ATOSA: variants seen among roughly 807,000 people sequenced by gnomAD.
ATOSA encodes atos homolog protein A.
chr15:52,587,003 C>T, the ATOSA span: 393 of 1,486,438 alleles, frequency 2.6e-4, no homozygotes, highest in Non-Finnish European at 3.3e-4. Flanking sequence ...ATGGTCATTC[C>T]TGGGGCAGAG....
the ATOSA span, among the ~76,000 whole-genome samples, chr15:52,639,423 A>G: frequency 1.3e-5 from 2 of 152,224 alleles, no homozygotes; most frequent in East Asian, 3.8e-4. Context: ...CTGAATATTT[A>G]TATCAGGTTT....
the ATOSA span, among the ~76,000 whole-genome samples, chr15:52,697,533 ACTT>A: frequency 6.6e-6 from 1 of 152,188 alleles, no homozygotes; most frequent in Non-Finnish European, 1.5e-5. Flanking sequence ...AACATGACTC[ACTT>A]CTTTAATGCG....
the ATOSA span, among the ~76,000 whole-genome samples, chr15:52,672,747 C>T: frequency 6.6e-6 from 1 of 152,348 alleles, no homozygotes; most frequent in African/African-American, 2.4e-5. Context: ...CTTATATACA[C>T]ATTTGCCTTT....
the ATOSA span, among the ~76,000 whole-genome samples, chr15:52,588,678 C>T: frequency 6.6e-6 from 1 of 152,194 alleles, no homozygotes; most frequent in Non-Finnish European, 1.5e-5. Context: ...CTTCGACCTC[C>T]TGACCTCAGG....
the ATOSA span, among the ~76,000 whole-genome samples, chr15:52,632,706 C>T: frequency 6.6e-6 from 1 of 152,234 alleles, no homozygotes; most frequent in South Asian, 2.1e-4. Context: ...ACATACTTCT[C>T]CATATGGTCA....
At chr15:52,661,230 T>G in the ATOSA span, among the ~76,000 whole-genome samples, 2 of 152,248 alleles carry the variant, frequency 1.3e-5, no homozygotes, top group Admixed American at 1.3e-4. Context: ...ACCATTCGAC[T>G]TACTTCTAAG....
the ATOSA span, among the ~76,000 whole-genome samples, chr15:52,620,548 T>TA: frequency 6.6e-6 from 1 of 152,212 alleles, no homozygotes; most frequent in Non-Finnish European, 1.5e-5. Context: ...TGTTTATTTC[T>TA]AAAGCCTGCC....
At chr15:52,703,310 T>C in the ATOSA span, among the ~76,000 whole-genome samples, 1 of 152,196 alleles carries the variant, frequency 6.6e-6, no homozygotes, top group Non-Finnish European at 1.5e-5. Flanking sequence ...AAATGTTTTA[T>C]ACTGATTAAA....
chr15:52,693,154 T>C, the ATOSA span, among the ~76,000 whole-genome samples: 1 of 152,164 alleles, frequency 6.6e-6, no homozygotes, highest in East Asian at 1.9e-4. Context: ...GTGCGGTGGC[T>C]CATGCCTGTA....
the ATOSA span, among the ~76,000 whole-genome samples, chr15:52,684,565 C>G: frequency 2.6e-5 from 4 of 152,104 alleles, no homozygotes; most frequent in Admixed American, 2.6e-4. Context: ...TTTTTGATAA[C>G]TGAACTCATT....
chr15:52,636,127 A>T, the ATOSA span, among the ~76,000 whole-genome samples: 465 of 146,374 alleles, frequency 3.2e-3, 1 homozygote, highest in African/African-American at 0.011. Flanking sequence ...AATTTAATAA[A>T]TATATATTAA....
chr15:52,595,190 A>G, the ATOSA span, among the ~76,000 whole-genome samples: 1 of 152,212 alleles, frequency 6.6e-6, no homozygotes, highest in East Asian at 1.9e-4. Flanking sequence ...TAGATACACA[A>G]GTACTAGGCA....
the ATOSA span, chr15:52,678,330 A>G: frequency 3.8e-6 from 2 of 532,012 alleles, no homozygotes; most frequent in Admixed American, 3.1e-5. Context: ...CTCCAGGCCA[A>G]TGTGTCCTTC....
the ATOSA span, among the ~76,000 whole-genome samples, chr15:52,628,602 T>C: frequency 3.3e-5 from 5 of 152,232 alleles, no homozygotes; most frequent in South Asian, 4.1e-4. Flanking sequence ...CAATGTGATA[T>C]AGTTTTTTAA....
At chr15:52,611,275 T>A in the ATOSA span, 6 of 1,608,328 alleles carry the variant, frequency 3.7e-6, no homozygotes, top group Non-Finnish European at 5.1e-6. Flanking sequence ...TAACAAAGCA[T>A]AATTTAAATG....
At chr15:52,610,245 T>C in the ATOSA span, 11 of 1,613,872 alleles carry the variant, frequency 6.8e-6, no homozygotes, top group Non-Finnish European at 5.9e-6. Context: ...ACGTCAAAAC[T>C]GGATAATTAG....
At chr15:52,686,037 G>A in the ATOSA span, among the ~76,000 whole-genome samples, 1 of 152,132 alleles carries the variant, frequency 6.6e-6, no homozygotes, top group Non-Finnish European at 1.5e-5. Flanking sequence ...AGGTTCAGTA[G>A]AGTTTTCATA....
chr15:52,634,877 C>T, the ATOSA span, among the ~76,000 whole-genome samples: 5 of 152,074 alleles, frequency 3.3e-5, no homozygotes, highest in Non-Finnish European at 7.4e-5. Flanking sequence ...GCTGGGATTA[C>T]AGGTGTGAGC....
the ATOSA span, among the ~76,000 whole-genome samples, chr15:52,632,779 T>A: frequency 0.018 from 2,680 of 152,294 alleles, 84 homozygotes; most frequent in African/African-American, 0.062. Flanking sequence ...AATTATTGAT[T>A]TCATGAAGTA....
Sources: gnomAD v4.1 joint callset for allele counts (sites outside exome capture counted in the v4.1 genomes callset) on GRCh38, gnomAD v4.1.1 for gene constraint, MANE v1.5 for transcripts, NCBI Gene and HGNC (gene_info 2026-07-23, HGNC 2026-07-21) for gene names.